Variants in PIEZO2 observed in about 807,000 individuals in gnomAD.
The protein encoded by PIEZO2 is piezo type mechanosensitive ion channel component 2.
Under a neutral mutation model 337.3 loss-of-function variants are expected in PIEZO2, and 172 were observed. The observed-to-expected ratio is 0.51, with a 90% CI of 0.45 to 0.58. PIEZO2 has a LOEUF of 0.58. Among genes scored for constraint, PIEZO2 ranks in the 20% least tolerant of loss-of-function variants. The probability of loss-of-function intolerance (pLI) is 0.00; values close to 1 mark genes in which losing one functional copy is unlikely to be tolerated. For synonymous variants in PIEZO2, 1,251 were observed against 1,228.5 expected (o/e 1.02, Z -0.38); for missense variants, 3,028 against 3,391.3 (o/e 0.89, Z 2.66).
Position 11,032,254 on chromosome 18 carries a change from G to A in PIEZO2, c.160+33873C>T, listed in dbSNP as rs2036770443. On this transcript the variant is annotated intron_variant, in intron 2 of 55. Coordinates refer to ENST00000674853, the MANE Select transcript of PIEZO2 (RefSeq NM_001378183.1). This position sits in a 1 kb window ranked among gnomAD's most constrained non-coding sequence, Gnocchi z 4.9. ...TCTCCAGTGTGGTCCACAGGACAGA[G>A]GACAACATTTGGAACAAATGCAACT... 6.6e-6 allele frequency among the ~76,000 whole-genome samples: 1 copy of A among 152,184 alleles called. No homozygotes were observed. The highest frequency in any genetic ancestry group is 6.5e-5 in the Admixed American group (1 of 15,270).
intron 18 of PIEZO2, among the ~76,000 whole-genome samples, chr18:10,776,010 T>C (rs1339769569): frequency 6.6e-6 from 1 of 152,242 alleles, no homozygotes; most frequent in Non-Finnish European, 1.5e-5. Context: ...TTGTACCTTG[T>C]ATTGTAAAAA....
In PIEZO2 at chr18:10,815,586, T is replaced by C. The variant is rs1285339047; in HGVS notation, c.918-8312A>G. 6.6e-6 allele frequency among the ~76,000 whole-genome samples: 1 copy of C among 152,228 alleles called. No homozygotes were observed. Among genetic ancestry groups the C allele is most frequent in the African/African-American group, 2.4e-5 (1 of 41,456 alleles). ...CTACAGGGTCACCAGATTTCTTATG[T>C]GATAGATATCAATTTCTTCCTTGTA... On this transcript the variant is annotated intron_variant, in intron 7 of 55. Transcript: ENST00000674853. The surrounding 1 kb of genome is among the most constrained non-coding windows in gnomAD (Gnocchi z 4.1).
chr18:10,861,740 G>A lies in PIEZO2; in HGVS notation c.493-4529C>T, dbSNP rs575425546. Among the ~76,000 whole-genome samples the A allele has an allele frequency of 7.0e-4, 106 of 152,296 alleles. No homozygotes were observed. The highest frequency in any genetic ancestry group is 2.2e-3 in the African/African-American group (93 of 41,566). On this transcript the variant is annotated intron_variant, in intron 5 of 55. Coordinates refer to ENST00000674853, the MANE Select transcript of PIEZO2 (RefSeq NM_001378183.1). The surrounding 1 kb of genome is among the most constrained non-coding windows in gnomAD (Gnocchi z 4.3). ...AATGTATATTTCAAAATAGTTGGCC[G>A]GGCACAGTGGTTCATGCCTATAATC...
At position 11,038,769 on chromosome 18, in the gene PIEZO2, T is replaced by A. The variant is rs1413913274; in HGVS notation, c.160+27358A>T. Among the ~76,000 whole-genome samples, 1 of 152,184 alleles carries A rather than the reference T, an allele frequency of 6.6e-6. No individual in the cohort carries two copies. Among genetic ancestry groups the A allele is most frequent in the East Asian group, 1.9e-4 (1 of 5,190 alleles). Reference sequence around the variant, plus strand: ...TGTATAATACATGCATACATACAAATAAAATTAGCTCTATACAACCTATAG... The same window carrying A: ...TGTATAATACATGCATACATACAAAAAAAATTAGCTCTATACAACCTATAG... On this transcript the variant is annotated intron_variant, in intron 2 of 55. Transcript: ENST00000674853. The surrounding 1 kb of genome is among the most constrained non-coding windows in gnomAD (Gnocchi z 4.1).
chr18:10,715,951 T>C, intron 37 of PIEZO2, 135 bp from the exon 38 acceptor site: 1 of 697,334 alleles, frequency 1.4e-6, no homozygotes, highest in Non-Finnish European at 2.3e-6. Context: ...GTGACTCAGA[T>C]ACTCATGACG....
intron 2 of PIEZO2, among the ~76,000 whole-genome samples, chr18:11,007,558 A>C (rs773167185): frequency 1.3e-5 from 2 of 152,230 alleles, no homozygotes; most frequent in Non-Finnish European, 2.9e-5. Context: ...AATCACTCGT[A>C]GATGCAGTAT....
At chr18:11,106,078 CTTTTA>C (rs780601765) in intron 1 of PIEZO2, among the ~76,000 whole-genome samples, 9 of 151,908 alleles carry the variant, frequency 5.9e-5, no homozygotes, top group Admixed American at 2.0e-4. Flanking sequence ...ACTTGGCAGC[CTTTTA>C]TTTTATTTTA....
At chr18:10,686,458 T>A (rs1193120651) in intron 49 of PIEZO2, among the ~76,000 whole-genome samples, 1 of 152,188 alleles carries the variant, frequency 6.6e-6, no homozygotes, top group Non-Finnish European at 1.5e-5. Flanking sequence ...TGGATCTATT[T>A]CAGGTAGCCA....
intron 21 of PIEZO2, among the ~76,000 whole-genome samples, chr18:10,764,808 G>A (rs2038284502): frequency 6.6e-6 from 1 of 152,136 alleles, no homozygotes; most frequent in Non-Finnish European, 1.5e-5. Flanking sequence ...TACATGGAAA[G>A]GCCCTGCAAA....
chr18:11,038,234 C>G lies in PIEZO2; in HGVS notation c.160+27893G>C, dbSNP rs1370019980. 6.6e-6 allele frequency among the ~76,000 whole-genome samples: 1 copy of G among 152,158 alleles called. No homozygotes were observed. Among genetic ancestry groups the G allele is most frequent in the Non-Finnish European group, 1.5e-5 (1 of 68,030 alleles). ...TAACACAGCCATAAAAATCATACCA[C>G]CCGTTCACATATAATTCATCATATT... is the stretch of plus-strand genomic sequence containing the variant. On this transcript the variant is annotated intron_variant, in intron 2 of 55. Coordinates refer to ENST00000674853, the MANE Select transcript of PIEZO2 (RefSeq NM_001378183.1). This position sits in a 1 kb window ranked among gnomAD's most constrained non-coding sequence, Gnocchi z 4.1.
Position 11,148,374 on chromosome 18 carries a change from G to C in PIEZO2, c.64+151C>G. ...CCCAGAGTGGGAAGTGAGAGAGCCA[G>C]GCTGTGCACCAGGGACAGCGCGCGT... On this transcript the variant is annotated intron_variant, in intron 1 of 55. Transcript: ENST00000674853. This position sits in a 1 kb window ranked among gnomAD's most constrained non-coding sequence, Gnocchi z 5.2. The C allele has an allele frequency of 1.2e-6, 1 of 837,070 alleles. No homozygotes were observed. The highest frequency in any genetic ancestry group is 1.9e-6 in the Non-Finnish European group (1 of 534,764). 51.9% of individuals were successfully genotyped at this position (837,070 alleles called of 1,614,324 possible).
At chr18:11,034,448 A>T (rs1256655653) in intron 2 of PIEZO2, among the ~76,000 whole-genome samples, 1 of 151,808 alleles carries the variant, frequency 6.6e-6, no homozygotes, top group Non-Finnish European at 1.5e-5. Flanking sequence ...GCCCGCCACC[A>T]CGCCAGGCTA....
In PIEZO2 at chr18:10,750,370, G is replaced by A. The variant is rs189217178; in HGVS notation, c.4168-183C>T. On this transcript the variant is annotated intron_variant, in intron 28 of 55. Transcript: ENST00000674853. The surrounding 1 kb of genome is among the most constrained non-coding windows in gnomAD (Gnocchi z 4.1). ...GCTTCAGGAGCAATGTAAATTCCTGGGAAAAATTAAACCTAACGAGGAAAG... is the reference window on the plus strand; with the variant it reads ...GCTTCAGGAGCAATGTAAATTCCTGAGAAAAATTAAACCTAACGAGGAAAG... 2.0e-4 allele frequency among the ~76,000 whole-genome samples: 31 copies of A among 152,288 alleles called. No individual in the cohort carries two copies. Among genetic ancestry groups the A allele is most frequent in the Non-Finnish European group, 2.9e-4 (20 of 68,020 alleles).
rs993245140 is a variant in PIEZO2, at chr18:10,680,269, G to C, written c.7882C>G (p.Gln2628Glu). 1.9e-6 allele frequency: 3 copies of C among 1,613,988 alleles called. No homozygotes were observed. Among genetic ancestry groups the C allele is most frequent in the South Asian group, 1.1e-5 (1 of 91,078 alleles). Residue 2628 changes from glutamine to glutamate, a missense_variant, in exon 52 of 56, where the codon CAG becomes GAG. Transcript: ENST00000674853. ...TCCAGGAGTTCGTGTATCATTTTCT[G>C]CTTACTGGGTGGGCTGATGGTCCAC... is the stretch of plus-strand genomic sequence containing the variant. The part of the protein sequence containing the change: ...SLWTISPPSK[Q>E]KMIHELLDPN...
chr18:11,148,683 C>A lies in PIEZO2; in HGVS notation c.-95G>T. The A allele has an allele frequency of 1.5e-6, 2 of 1,340,076 alleles. No homozygotes were observed. Among genetic ancestry groups the A allele is most frequent in the Non-Finnish European group, 1.0e-6 (1 of 977,678 alleles). The allele number at this position is 1,340,076 out of a possible 1,614,324, so 83.0% of individuals were successfully genotyped here. On this transcript the variant is annotated 5_prime_UTR_variant, in exon 1 of 56. Coordinates refer to ENST00000674853, the MANE Select transcript of PIEZO2 (RefSeq NM_001378183.1). This position sits in a 1 kb window ranked among gnomAD's most constrained non-coding sequence, Gnocchi z 5.2. ...CCCATGCCCGTCTATGGCCTCTCGCCGCCGGCAGCTCGCAGCCACCCGAGC... is the reference window on the plus strand; with the variant it reads ...CCCATGCCCGTCTATGGCCTCTCGCAGCCGGCAGCTCGCAGCCACCCGAGC...
At chr18:10,683,233 G>A (rs2034355229) in intron 49 of PIEZO2, among the ~76,000 whole-genome samples, 1 of 152,036 alleles carries the variant, frequency 6.6e-6, no homozygotes, top group African/African-American at 2.4e-5. Flanking sequence ...TTTACCCATA[G>A]GCACTAGCCA....
At chr18:11,100,638 C>A (rs1438278117) in intron 1 of PIEZO2, among the ~76,000 whole-genome samples, 1 of 152,268 alleles carries the variant, frequency 6.6e-6, no homozygotes, top group Non-Finnish European at 1.5e-5. Context: ...CTCTGTCGCC[C>A]AGGCTGGAGT....
In PIEZO2 at chr18:11,027,004, T is replaced by C. The variant is rs559617518; in HGVS notation, c.160+39123A>G. 2.7e-4 allele frequency among the ~76,000 whole-genome samples: 41 copies of C among 152,318 alleles called. No homozygotes were observed. Among genetic ancestry groups the C allele is most frequent in the South Asian group, 6.2e-4 (3 of 4,834 alleles). On this transcript the variant is annotated intron_variant, in intron 2 of 55. Coordinates refer to ENST00000674853, the MANE Select transcript of PIEZO2 (RefSeq NM_001378183.1). The surrounding 1 kb of genome is among the most constrained non-coding windows in gnomAD (Gnocchi z 4.2). ...GTCTCCAAGCTCTGCACAGCACTTA[T>C]GTGTATGAGACAAGACTCTGCCCAA...
chr18:10,752,545 A>G (rs2037687744), intron 28 of PIEZO2, 91 bp downstream of exon 28: 2 of 1,388,370 alleles, frequency 1.4e-6, no homozygotes, highest in Admixed American at 2.3e-5. Context: ...AGAGAGCAAC[A>G]TGACAAGCAC....
Sources: gnomAD v4.1 joint callset for allele counts (sites outside exome capture counted in the v4.1 genomes callset) on GRCh38, gnomAD v4.1.1 for gene constraint, Gnocchi (gnomAD v3.1) non-coding constraint, MANE v1.5 for transcripts, NCBI Gene and HGNC (gene_info 2026-07-23, HGNC 2026-07-21) for gene names.